Variants in NEDD4L observed in about 807,000 individuals in gnomAD.
NEDD4L encodes the protein NEDD4 like E3 ubiquitin protein ligase.
Under a neutral mutation model 148.9 loss-of-function variants are expected in NEDD4L, and 54 were observed. The observed-to-expected ratio is 0.36, with a 90% CI of 0.29 to 0.45. NEDD4L has a LOEUF of 0.45. NEDD4L is among the 20% of genes least tolerant of loss of function. NEDD4L has a pLI of 1.00. For synonymous variants in NEDD4L, 433 were observed against 440.7 expected, an observed-to-expected ratio of 0.98 and a Z score of 0.22; for missense variants, 856 against 1,233.8, an observed-to-expected ratio of 0.69 and a Z score of 4.59.
chr18:58,219,206 A>G (rs1388840544), intron 2 of NEDD4L, among the ~76,000 whole-genome samples: 1 of 152,224 alleles, frequency 6.6e-6, no homozygotes. Context: ...TTGTTTGATC[A>G]GTTTGCCTAG....
chr18:58,363,345 G>A (rs543206960), intron 19 of NEDD4L, among the ~76,000 whole-genome samples: 19 of 152,302 alleles, frequency 1.2e-4, no homozygotes, highest in Admixed American at 4.6e-4. Flanking sequence ...GATAACAGCA[G>A]AAGTATTCTC....
chr18:58,163,439 G>A (rs1015522924), intron 1 of NEDD4L, among the ~76,000 whole-genome samples: 4 of 152,306 alleles, frequency 2.6e-5, no homozygotes, highest in East Asian at 1.9e-4. Flanking sequence ...TCCCTGCAGC[G>A]CTTCAGGGAA....
intron 1 of NEDD4L, among the ~76,000 whole-genome samples, chr18:58,076,390 T>C (rs2083160934): frequency 6.6e-6 from 1 of 152,146 alleles, no homozygotes; most frequent in Non-Finnish European, 1.5e-5. Flanking sequence ...AAAAAACCTT[T>C]AGTAGCTGAT....
intron 30 of NEDD4L, among the ~76,000 whole-genome samples, chr18:58,395,603 C>T (rs925101227): frequency 4.0e-5 from 6 of 151,168 alleles, no homozygotes; most frequent in African/African-American, 1.5e-4. Context: ...CACTGGTGTT[C>T]CCGAGCCCCG....
intron 1 of NEDD4L, 169 bp from the exon 2 acceptor site, chr18:58,165,619 A>C: frequency 4.7e-6 from 7 of 1,495,776 alleles, no homozygotes; most frequent in Non-Finnish European, 6.2e-6. Context: ...TTAGAGCTGG[A>C]ATATTGCTTT....
intron 1 of NEDD4L, among the ~76,000 whole-genome samples, chr18:58,129,925 T>C (rs976873094): frequency 2.0e-5 from 3 of 148,628 alleles, no homozygotes; most frequent in East Asian, 2.0e-4. Context: ...TGTGATCTAG[T>C]GGAACTGTGG....
At chr18:58,332,406 G>C (rs1006470551) in intron 11 of NEDD4L, among the ~76,000 whole-genome samples, 17 of 152,178 alleles carry the variant, frequency 1.1e-4, no homozygotes, top group Non-Finnish European at 2.4e-4. Context: ...CCAGCACTTT[G>C]AGAGGCTGAA....
At chr18:58,075,160 G>A (rs2083094023) in intron 1 of NEDD4L, among the ~76,000 whole-genome samples, 2 of 152,154 alleles carry the variant, frequency 1.3e-5, no homozygotes, top group Admixed American at 1.3e-4. Context: ...GAGACTTCTC[G>A]TCCTAGAGAG....
chr18:58,198,047 C>T (rs1215179332), intron 2 of NEDD4L, among the ~76,000 whole-genome samples: 1 of 152,094 alleles, frequency 6.6e-6, no homozygotes, highest in African/African-American at 2.4e-5. Flanking sequence ...CCTTGGCACC[C>T]CTACATAAAG....
intron 1 of NEDD4L, among the ~76,000 whole-genome samples, chr18:58,155,316 A>G (rs1162524304): frequency 4.2e-4 from 62 of 147,782 alleles, no homozygotes; most frequent in African/African-American, 1.4e-3. Context: ...TTTAAGTTTA[A>G]AAAAAAAAAA....
intron 1 of NEDD4L, among the ~76,000 whole-genome samples, chr18:58,154,413 C>G (rs1454416794): frequency 6.6e-6 from 1 of 152,242 alleles, no homozygotes; most frequent in Non-Finnish European, 1.5e-5. Flanking sequence ...ACCTGCTGAG[C>G]TCAAACCACC....
intron 18 of NEDD4L, among the ~76,000 whole-genome samples, chr18:58,353,187 G>A (rs2044143383): frequency 6.6e-6 from 1 of 152,194 alleles, no homozygotes; most frequent in Non-Finnish European, 1.5e-5. Context: ...CTGGAAGGTG[G>A]AAGAAGGTAA....
intron 1 of NEDD4L, among the ~76,000 whole-genome samples, chr18:58,085,037 C>T (rs112713381): frequency 0.022 from 3,328 of 152,176 alleles, 110 homozygotes; most frequent in African/African-American, 0.076. Context: ...TGTCTCATTG[C>T]GTGTCCACAT....
At chr18:58,149,668 A>G (rs1321305658) in intron 1 of NEDD4L, 1 of 749,462 alleles carries the variant, frequency 1.3e-6, no homozygotes, top group Non-Finnish European at 2.4e-6. Flanking sequence ...TATGACCTCA[A>G]GATGCTGGAG....
chr18:58,385,753 C>A (rs2048930482), intron 26 of NEDD4L, among the ~76,000 whole-genome samples, 167 bp downstream of exon 26: 1 of 152,106 alleles, frequency 6.6e-6, no homozygotes, highest in African/African-American at 2.4e-5. Context: ...TGGCCAGTCT[C>A]CAGCACAAGA....
At chr18:58,180,421 C>T (rs945986937) in intron 2 of NEDD4L, among the ~76,000 whole-genome samples, 4 of 152,212 alleles carry the variant, frequency 2.6e-5, no homozygotes, top group Non-Finnish European at 5.9e-5. Flanking sequence ...GCCGCAAGGG[C>T]CAGCACCGAG....
intron 1 of NEDD4L, among the ~76,000 whole-genome samples, chr18:58,104,554 G>A (rs2084953745): frequency 6.6e-6 from 1 of 152,306 alleles, no homozygotes; most frequent in African/African-American, 2.4e-5. Context: ...TGCTTCGCTT[G>A]TATAAGTTAT....
intron 1 of NEDD4L, among the ~76,000 whole-genome samples, chr18:58,064,910 G>A (rs996855899): frequency 3.3e-5 from 5 of 152,070 alleles, no homozygotes; most frequent in Non-Finnish European, 7.4e-5. Context: ...AGACCAGCCC[G>A]GGCAACATAG....
chr18:58,285,950 C>A (rs2053844869), intron 5 of NEDD4L, among the ~76,000 whole-genome samples: 1 of 152,214 alleles, frequency 6.6e-6, no homozygotes, highest in Admixed American at 6.5e-5. Flanking sequence ...ACAGTTTGCT[C>A]ACCTATGAAA....
Sources: gnomAD v4.1 joint callset for allele counts (sites outside exome capture counted in the v4.1 genomes callset) on GRCh38, gnomAD v4.1.1 for gene constraint, MANE v1.5 for transcripts, NCBI Gene and HGNC (gene_info 2026-07-23, HGNC 2026-07-21) for gene names.